Variants in GIT2 observed in about 807,000 individuals in gnomAD.
GIT2 encodes the protein ARF GTPase-activating protein GIT2.
In GIT2, 32 loss-of-function variants were observed where a neutral mutation model predicts 100.3. The observed-to-expected ratio is 0.32, with a 90% CI of 0.24 to 0.43. GIT2 has a LOEUF of 0.43. Ranked by LOEUF, GIT2 falls within the 20% of genes least tolerant of loss-of-function variation. GIT2 has a pLI of 1.00. For synonymous variants in GIT2, 353 were observed against 364.1 expected, an observed-to-expected ratio of 0.97 and a Z score of 0.35; for missense variants, 737 against 975.1, an observed-to-expected ratio of 0.76 and a Z score of 3.25.
chr12:109,991,549 C>T, intron 2 of GIT2, 78 bp downstream of exon 2: 1 of 1,128,228 alleles, frequency 8.9e-7, no homozygotes, highest in Non-Finnish European at 1.3e-6. Context: ...AGAAGTACAC[C>T]AGGAGAAATT....
At position 109,951,191 on chromosome 12, in the gene GIT2, G is replaced by T. The variant is rs1193673755; in HGVS notation, c.1368C>A (p.Asp456Glu). 1 of 1,613,624 alleles carries T rather than the reference G, an allele frequency of 6.2e-7. No individual in the cohort carries two copies. The highest frequency in any genetic ancestry group is 8.5e-7 in the Non-Finnish European group (1 of 1,179,610). Residue 456 changes from aspartate (D) to glutamate (E), a missense_variant, in exon 14 of 20, where the codon GAC becomes GAA. Transcript: ENST00000355312. Reference protein sequence around the residue: ...QLMKVNNNLSDELRIMQKKLQ... With the variant: ...QLMKVNNNLSEELRIMQKKLQ... ...CCTTTTTCTGCATAATTCTCAGCTC[G>T]TCACTCAAGTTGTTATTCACCTTCA... is the stretch of plus-strand genomic sequence containing the variant.
intron 7 of GIT2, among the ~76,000 whole-genome samples, chr12:109,979,271 GCTTT>G (rs1484820912): frequency 2.3e-5 from 3 of 132,306 alleles, no homozygotes; most frequent in Non-Finnish European, 4.6e-5. Flanking sequence ...CCAGAAAAAG[GCTTT>G]TTTTTTTTTT....
In GIT2 at chr12:109,948,843, G is replaced by A; in HGVS notation, c.1393-1339C>T. On this transcript the variant is annotated intron_variant, in intron 14 of 19. Transcript: ENST00000355312. The surrounding 1 kb of genome is among the most constrained non-coding windows in gnomAD (Gnocchi z 4.3). Reference sequence around the variant, plus strand: ...CTTCATTAATTAGCATCTTTTCCAAGCAACTGTTAAATGTGAAAGATCAGA... The same window carrying A: ...CTTCATTAATTAGCATCTTTTCCAAACAACTGTTAAATGTGAAAGATCAGA... 5 of 1,595,610 alleles carry A rather than the reference G, an allele frequency of 3.1e-6. No individual in the cohort carries two copies. Among genetic ancestry groups the A allele is most frequent in the Non-Finnish European group, 4.3e-6 (5 of 1,166,020 alleles).
At chr12:109,999,884 T>A, upstream of GIT2, 1 of 1,097,336 alleles carries the variant, frequency 9.1e-7, no homozygotes, top group Non-Finnish European at 1.3e-6. The surrounding 1 kb of genome is among the most constrained non-coding windows in gnomAD (Gnocchi z 4.3). Flanking sequence ...GTCCCCGGGA[T>A]CCCCAGACCC....
At chr12:109,965,629 A>G in intron 8 of GIT2, 52 bp from the exon 9 acceptor site, 1 of 1,161,156 alleles carries the variant, frequency 8.6e-7, no homozygotes, top group Non-Finnish European at 1.3e-6. Flanking sequence ...AGACTTGTGA[A>G]CTCTGTAAAG....
chr12:109,992,399 G>A (rs533279438), intron 1 of GIT2, among the ~76,000 whole-genome samples: 4 of 151,914 alleles, frequency 2.6e-5, no homozygotes, highest in South Asian at 4.2e-4. Context: ...CGCCCACCTC[G>A]GCCTCCCAAA....
rs545951768 is a variant in GIT2 at position 109,948,479 on chromosome 12, G to A, written c.1393-975C>T. On this transcript the variant is annotated intron_variant, in intron 14 of 19. Transcript: ENST00000355312. The surrounding 1 kb of genome is among the most constrained non-coding windows in gnomAD (Gnocchi z 4.3). ...TGGTGCTGGATGGATTAGAGTTAAG[G>A]GGTCAGCAGGGAATCGTGTTACTCT... The A allele has an allele frequency of 1.8e-6, 2 of 1,141,758 alleles. No homozygotes were observed. The highest frequency in any genetic ancestry group is 5.5e-5 in the East Asian group (1 of 18,086). 70.7% of individuals were successfully genotyped at this position (1,141,758 alleles called of 1,614,324 possible). A position where few individuals can be genotyped will look rare whatever the true frequency, so the allele number is the denominator to read the frequency against.
intron 14 of GIT2, among the ~76,000 whole-genome samples, chr12:109,950,108 G>C (rs1344768972): frequency 4.6e-5 from 7 of 152,190 alleles, no homozygotes; most frequent in Admixed American, 2.6e-4. Context: ...AAATGCTCTA[G>C]AAGTCAACAT....
intron 7 of GIT2, among the ~76,000 whole-genome samples, chr12:109,970,450 A>G (rs946008662): frequency 6.6e-6 from 1 of 152,186 alleles, no homozygotes; most frequent in Non-Finnish European, 1.5e-5. Flanking sequence ...CCAAGATCCC[A>G]CCACTGCACT....
In GIT2 at chr12:109,962,680, T is replaced by C. The variant is rs1442103439; in HGVS notation, c.817-995A>G. Among the ~76,000 whole-genome samples the C allele has an allele frequency of 1.3e-5, 2 of 152,252 alleles. No homozygotes were observed. The highest frequency in any genetic ancestry group is 1.5e-5 in the Non-Finnish European group (1 of 68,046). On this transcript the variant is annotated intron_variant, in intron 9 of 19. Coordinates refer to ENST00000355312, the MANE Select transcript of GIT2 (RefSeq NM_057169.5). The surrounding 1 kb of genome is among the most constrained non-coding windows in gnomAD (Gnocchi z 4.3). ...CATGCAACACCTTGACACGTGGTAGTTGTGACTCTTAAACTGTCTGACATC... is the reference window on the plus strand; with the variant it reads ...CATGCAACACCTTGACACGTGGTAGCTGTGACTCTTAAACTGTCTGACATC...
chr12:109,948,733 A>G lies in GIT2; in HGVS notation c.1393-1229T>C. ...AGAAGATCATTACTTTTTCAGTAGC[A>G]AACCCATTCAATGTTAGGAGTTACT... is the stretch of plus-strand genomic sequence containing the variant. On this transcript the variant is annotated intron_variant, in intron 14 of 19. Coordinates refer to ENST00000355312, the MANE Select transcript of GIT2 (RefSeq NM_057169.5). The surrounding 1 kb of genome is among the most constrained non-coding windows in gnomAD (Gnocchi z 4.3). 1 of 1,533,632 alleles carries G rather than the reference A, an allele frequency of 6.5e-7. No individual in the cohort carries two copies. Among genetic ancestry groups the G allele is most frequent in the Non-Finnish European group, 8.7e-7 (1 of 1,145,000 alleles).
At chr12:109,983,906 T>C (rs959435644) in intron 4 of GIT2, 1 of 510,664 alleles carries the variant, frequency 2.0e-6, no homozygotes, top group Non-Finnish European at 3.5e-6. Flanking sequence ...ATAAGGAAAC[T>C]AGGGCTGTGA....
chr12:109,942,071 A>T (rs1208465487), intron 16 of GIT2, among the ~76,000 whole-genome samples: 2 of 151,622 alleles, frequency 1.3e-5, no homozygotes, highest in Non-Finnish European at 2.9e-5. Context: ...GTGATCCTCC[A>T]ACTTTGGCCT....
intron 1 of GIT2, among the ~76,000 whole-genome samples, chr12:109,995,789 G>C (rs1004175225): frequency 2.6e-5 from 4 of 152,246 alleles, no homozygotes; most frequent in Non-Finnish European, 5.9e-5. Flanking sequence ...AAAGGGTCTA[G>C]TGGGAGGTGA....
chr12:109,995,294 T>C (rs889502953), intron 1 of GIT2, among the ~76,000 whole-genome samples: 9 of 152,230 alleles, frequency 5.9e-5, no homozygotes, highest in African/African-American at 2.2e-4. Context: ...GCTTTAGCGT[T>C]TCAATGCCCC....
At chr12:109,999,534 C>T, upstream of GIT2, 2 of 428,614 alleles carry the variant, frequency 4.7e-6, no homozygotes, top group Non-Finnish European at 7.5e-6. The surrounding 1 kb of genome is among the most constrained non-coding windows in gnomAD (Gnocchi z 4.3). Context: ...GGACCTCCCG[C>T]GCGCCCCGCA....
chr12:109,937,528 A>G (rs1329151995), intron 18 of GIT2, among the ~76,000 whole-genome samples: 1 of 152,154 alleles, frequency 6.6e-6, no homozygotes, highest in Non-Finnish European at 1.5e-5. Flanking sequence ...ATGTTACCCC[A>G]AGCAGTTCGC....
At chr12:109,940,315 A>G (rs1874309276) in intron 16 of GIT2, 1 of 152,228 alleles carries the variant, frequency 6.6e-6, no homozygotes, top group South Asian at 2.1e-4. Context: ...TATTTCACCC[A>G]TAATGCTTGA....
rs1592927562 is a variant in GIT2, at chr12:109,932,596, G to C, written c.*382C>G. On this transcript the variant is annotated 3_prime_UTR_variant, in exon 20 of 20. Transcript: ENST00000355312. ...GACGCTGATTTTTTCTTTTTTAACT[G>C]AACTCTCTCAAGAAAATGTTTTATG... The C allele has an allele frequency of 5.8e-6, 1 of 172,502 alleles. No homozygotes were observed. The highest frequency in any genetic ancestry group is 1.6e-4 in the East Asian group (1 of 6,080). The allele number at this position is 172,502 out of a possible 1,614,324, so 10.7% of individuals were successfully genotyped here. A position where few individuals can be genotyped will look rare whatever the true frequency, so the allele number is the denominator to read the frequency against.
Sources: allele counts gnomAD v4.1 joint callset (sites outside exome capture counted in the v4.1 genomes callset), GRCh38; gene constraint gnomAD v4.1.1; non-coding constraint Gnocchi (gnomAD v3.1); transcripts MANE v1.5; gene names NCBI Gene and HGNC (gene_info 2026-07-23, HGNC 2026-07-21).